Variants in SMARCAD1 observed in about 807,000 individuals in gnomAD.
The protein encoded by SMARCAD1 is SWI/SNF-related matrix-associated actin-dependent regulator of chromatin subfamily A containing DEAD/H box 1.
A neutral mutation model predicts 127.1 loss-of-function variants in SMARCAD1; 25 were observed. That is an observed-to-expected ratio of 0.20 (90% CI 0.14 to 0.27). The LOEUF (loss-of-function observed/expected upper bound fraction) is 0.27, where lower values mean the gene tolerates loss of function less well. Among genes scored for constraint, SMARCAD1 ranks in the 10% least tolerant of loss-of-function variants. SMARCAD1 has a pLI of 1.00. For synonymous variants in SMARCAD1, 400 were observed against 396.9 expected (o/e 1.01, Z -0.09); for missense variants, 807 against 1,206.0 (o/e 0.67, Z 4.90).
chr4:94,284,345 A>AAG (rs1754575660), intron 22 of SMARCAD1, among the ~76,000 whole-genome samples: 1 of 100,470 alleles, frequency 1.0e-5, no homozygotes, highest in African/African-American at 3.0e-5. Context: ...AAAAAAAAAA[A>AAG]AAAAAAAAGA....
At chr4:94,272,969 G>A (rs116301987) in intron 11 of SMARCAD1, among the ~76,000 whole-genome samples, 1 of 151,704 alleles carries the variant, frequency 6.6e-6, no homozygotes, top group African/African-American at 2.4e-5. Flanking sequence ...CACCATGCCT[G>A]GCTAATTTTG....
intron 2 of SMARCAD1, among the ~76,000 whole-genome samples, chr4:94,210,929 C>CA (rs747690168): frequency 0.31 from 17,622 of 56,930 alleles, 3,186 homozygotes; most frequent in Non-Finnish European, 0.37. Context: ...GACTGTATCT[C>CA]AAAAAAAAAA....
Position 94,234,131 on chromosome 4 carries a change from C to T in SMARCAD1, c.537+9C>T. On this transcript the variant is annotated intron_variant, in intron 4 of 23. Transcript: ENST00000354268. ...ACAATGATTTACTTAAGGTTATATT[C>T]ATTGGTTATTGTAGCTGTAATGATG... 1 of 1,582,180 alleles carries T rather than the reference C, an allele frequency of 6.3e-7. No homozygotes were observed. The highest frequency in any genetic ancestry group is 1.3e-5 in the African/African-American group (1 of 74,340).
chr4:94,287,511 A>C (rs1403419887), intron 23 of SMARCAD1, among the ~76,000 whole-genome samples: 1 of 152,162 alleles, frequency 6.6e-6, no homozygotes, highest in Non-Finnish European at 1.5e-5. Flanking sequence ...AGCTTGCCTT[A>C]GTTGTTACCA....
At chr4:94,278,797 A>G in intron 18 of SMARCAD1, 64 bp downstream of exon 18, 3 of 1,597,382 alleles carry the variant, frequency 1.9e-6, no homozygotes, top group Non-Finnish European at 2.6e-6. Context: ...CATTTTGTTT[A>G]GTCATATAAT....
At chr4:94,264,505 G>A in intron 9 of SMARCAD1, 1 of 488,966 alleles carries the variant, frequency 2.0e-6, no homozygotes. Flanking sequence ...TAATGAGTTT[G>A]ATGTGTGACA....
At chr4:94,228,150 C>G (rs1745298659) in intron 3 of SMARCAD1, among the ~76,000 whole-genome samples, 1 of 152,142 alleles carries the variant, frequency 6.6e-6, no homozygotes, top group South Asian at 2.1e-4. Context: ...CTGTGATAAA[C>G]ATGCCTAATT....
rs146425618 is a variant in SMARCAD1, at chr4:94,213,740, G to A, written c.190+5156G>A. ...TCAAATGTTCCTTGCTTGGACAGCT[G>A]GAGGATTGACACCATGGACTGAATT... On this transcript the variant is annotated intron_variant, in intron 2 of 23. Transcript: ENST00000354268. Among the ~76,000 whole-genome samples the A allele has an allele frequency of 9.9e-5, 15 of 152,232 alleles. No homozygotes were observed. In the East Asian group the frequency reaches 2.9e-3, roughly 29 times the overall value.
chr4:94,261,911 G>A (rs991484151), intron 9 of SMARCAD1, among the ~76,000 whole-genome samples: 1 of 152,142 alleles, frequency 6.6e-6, no homozygotes, highest in Non-Finnish European at 1.5e-5. Context: ...CAACCGGCCA[G>A]TTTATTGTTT....
rs776223649 is a variant in SMARCAD1, at chr4:94,252,956, A to G, written c.1230A>G (p.Lys410=). The G allele has an allele frequency of 1.9e-6, 3 of 1,613,978 alleles. No individual in the cohort carries two copies. The highest frequency in any genetic ancestry group is 1.1e-5 in the South Asian group (1 of 91,080). The change falls in exon 9 of 24, where the codon AAA becomes AAG. Residue 410 remains lysine, a synonymous_variant. Transcript: ENST00000354268. ...ELTLIPQCSQ[K]KAQKITELRP... ...CTTTGATTCCTCAGTGTTCTCAGAA[A>G]AAGGCTCAGAAGATAACAGAACTCC...
At chr4:94,234,218 T>A (rs566987542) in intron 4 of SMARCAD1, 96 bp downstream of exon 4, 3 of 1,136,246 alleles carry the variant, frequency 2.6e-6, no homozygotes, top group Non-Finnish European at 3.8e-6. Flanking sequence ...TCTAAAGATA[T>A]CTTACGTTTG....
intron 6 of SMARCAD1, 46 bp from the exon 7 acceptor site, chr4:94,249,608 T>TA: frequency 3.0e-6 from 3 of 991,248 alleles, no homozygotes; most frequent in Non-Finnish European, 4.9e-6. Flanking sequence ...AGACCATTGT[T>TA]ATTGATATCT....
chr4:94,274,143 G>C (rs1752937707), intron 12 of SMARCAD1, among the ~76,000 whole-genome samples: 1 of 152,002 alleles, frequency 6.6e-6, no homozygotes, highest in Non-Finnish European at 1.5e-5. Context: ...ATGTAACAAA[G>C]AAAACCCCCT....
At chr4:94,231,780 T>C (rs1745881915) in intron 3 of SMARCAD1, among the ~76,000 whole-genome samples, 1 of 152,052 alleles carries the variant, frequency 6.6e-6, no homozygotes, top group South Asian at 2.1e-4. Flanking sequence ...GCTTCAACTG[T>C]GTTAATCTAG....
At position 94,249,432 on chromosome 4, in the gene SMARCAD1, C is replaced by T. The variant is rs185646280; in HGVS notation, c.706-222C>T. ...GCACTGAGAATAAAGTTTGAGTTAC[C>T]GGATATGCAATCAGGGTCTTTCAGT... On this transcript the variant is annotated intron_variant, in intron 6 of 23. Coordinates refer to ENST00000354268, the MANE Select transcript of SMARCAD1 (RefSeq NM_020159.5). Among the ~76,000 whole-genome samples, 17 of 151,984 alleles carry T rather than the reference C, an allele frequency of 1.1e-4. No individual in the cohort carries two copies. The South Asian group carries it at 2.3e-3, about 20-fold the overall frequency.
At position 94,289,511 on chromosome 4, in the gene SMARCAD1, C is replaced by T. The variant is rs1560575448; in HGVS notation, c.3058C>T (p.Leu1020=). ...GSMPADIATL[L]KTSMGL ...TATGCCAGCAGATATAGCCACATTA[C>T]TAAAAACATCAATGGGCCTGTGAAA... Residue 1020 remains leucine (L), a synonymous_variant, in exon 24 of 24, where the codon CTA becomes TTA. Transcript: ENST00000354268. 1.2e-6 allele frequency: 2 copies of T among 1,613,192 alleles called. No homozygotes were observed.
In SMARCAD1 at chr4:94,208,394, T is replaced by C; in HGVS notation, c.-1T>C. 1.9e-6 allele frequency: 3 copies of C among 1,614,002 alleles called. No individual in the cohort carries two copies. The highest frequency in any genetic ancestry group is 2.5e-6 in the Non-Finnish European group (3 of 1,180,014). On this transcript the variant is annotated 5_prime_UTR_variant, in exon 2 of 24. Coordinates refer to ENST00000354268, the MANE Select transcript of SMARCAD1 (RefSeq NM_020159.5). ...CCTGCAAGGTGGTGCTTTCTACCAATATGAATCTTTTCAACCTGGACCGTT... is the reference window on the plus strand; with the variant it reads ...CCTGCAAGGTGGTGCTTTCTACCAACATGAATCTTTTCAACCTGGACCGTT...
intron 6 of SMARCAD1, among the ~76,000 whole-genome samples, chr4:94,241,323 T>C (rs557496247): frequency 2.0e-5 from 3 of 152,214 alleles, no homozygotes; most frequent in Non-Finnish European, 4.4e-5. Context: ...TGTTTTTGCT[T>C]TCTTTTAAAT....
At chr4:94,221,646 CTAAA>C (rs1332618289) in intron 2 of SMARCAD1, among the ~76,000 whole-genome samples, 3 of 152,112 alleles carry the variant, frequency 2.0e-5, no homozygotes, top group Non-Finnish European at 2.9e-5. Context: ...TGTCATCTGA[CTAAA>C]TAAATTACTT....
Sources: allele counts gnomAD v4.1 joint callset (sites outside exome capture counted in the v4.1 genomes callset), GRCh38; gene constraint gnomAD v4.1.1; transcripts MANE v1.5; gene names NCBI Gene and HGNC (gene_info 2026-07-23, HGNC 2026-07-21).